The following CDCP1 variants were observed in gnomAD, a reference collection of about 807,000 sequenced individuals.
The protein encoded by CDCP1 is CUB domain-containing protein 1.
In CDCP1, 29 loss-of-function variants were observed where a neutral mutation model predicts 60.2. The observed-to-expected ratio is 0.48, with a 90% CI of 0.36 to 0.66. The LOEUF (loss-of-function observed/expected upper bound fraction) is 0.66. Among genes scored for constraint, CDCP1 ranks in the 30% least tolerant of loss-of-function variants. The pLI is 0.00. For missense variants in CDCP1, 876 were observed against 1,074.3 expected (o/e 0.82, Z 2.58); for synonymous variants, 387 against 431.1 (o/e 0.90, Z 1.27).
At chr3:45,093,947 A>C (rs1438332611) in intron 5 of CDCP1, among the ~76,000 whole-genome samples, 1 of 151,944 alleles carries the variant, frequency 6.6e-6, no homozygotes, top group African/African-American at 2.4e-5. Context: ...TCTTCTGTGT[A>C]TCTGTGTCTT....
chr3:45,093,683 A>G (rs780875210), intron 5 of CDCP1, 26 bp from the exon 6 acceptor site: 4 of 1,590,120 alleles, frequency 2.5e-6, no homozygotes, highest in Admixed American at 3.4e-5. Context: ...CATGCTAGCC[A>G]TGCACAAAGG....
At chr3:45,132,783 G>T (rs563733251) in intron 1 of CDCP1, among the ~76,000 whole-genome samples, 1 of 152,312 alleles carries the variant, frequency 6.6e-6, no homozygotes, top group South Asian at 2.1e-4. Context: ...TGATGGCCAT[G>T]ATCATTACCA....
chr3:45,087,010 C>T (rs1221428842), intron 8 of CDCP1, among the ~76,000 whole-genome samples: 2 of 152,192 alleles, frequency 1.3e-5, no homozygotes, highest in Non-Finnish European at 2.9e-5. Flanking sequence ...TAACGCTGAG[C>T]CCCTGGCCAG....
At chr3:45,092,616 A>G (rs1253203569) in intron 6 of CDCP1, among the ~76,000 whole-genome samples, 2 of 152,234 alleles carry the variant, frequency 1.3e-5, no homozygotes, top group African/African-American at 4.8e-5. Flanking sequence ...AGAGTAGGAA[A>G]TAAACATCAA....
intron 1 of CDCP1, among the ~76,000 whole-genome samples, chr3:45,141,034 C>A (rs1369592256): frequency 6.6e-6 from 1 of 152,122 alleles, no homozygotes; most frequent in Non-Finnish European, 1.5e-5. Context: ...AACCCCACCT[C>A]TACTAAAAAT....
At chr3:45,126,155 T>TTTCTTTCC (rs1698988719) in intron 1 of CDCP1, among the ~76,000 whole-genome samples, 3 of 143,286 alleles carry the variant, frequency 2.1e-5, no homozygotes, top group Admixed American at 7.3e-5. Flanking sequence ...TCTTTCTTTC[T>TTTCTTTCC]TTCTTTCTTT....
intron 1 of CDCP1, among the ~76,000 whole-genome samples, chr3:45,145,634 C>T (rs944728694): frequency 6.6e-6 from 1 of 152,178 alleles, no homozygotes; most frequent in Non-Finnish European, 1.5e-5. Context: ...ATTTTTGCAC[C>T]AACGCTCTTC....
At chr3:45,100,902 G>T (rs1211741927) in intron 4 of CDCP1, among the ~76,000 whole-genome samples, 1 of 152,218 alleles carries the variant, frequency 6.6e-6, no homozygotes, top group Admixed American at 6.5e-5. Flanking sequence ...CCTTGAGGGA[G>T]TGTGTAAATC....
At chr3:45,102,942 G>C (rs532057444) in intron 4 of CDCP1, among the ~76,000 whole-genome samples, 1 of 150,480 alleles carries the variant, frequency 6.6e-6, no homozygotes. Context: ...GATTACAGGC[G>C]TGAGCCACCA....
intron 1 of CDCP1, among the ~76,000 whole-genome samples, chr3:45,137,715 G>C (rs756003735): frequency 3.3e-4 from 50 of 150,912 alleles, no homozygotes; most frequent in Non-Finnish European, 6.0e-4. Flanking sequence ...AGGTACATGG[G>C]AGGCTGAGGT....
At chr3:45,112,652 CTCGG>C (rs1698719810) in intron 2 of CDCP1, among the ~76,000 whole-genome samples, 1 of 152,240 alleles carries the variant, frequency 6.6e-6, no homozygotes, top group Admixed American at 6.5e-5. Context: ...AGTGCCTCAG[CTCGG>C]GGGAGCTGCC....
intron 1 of CDCP1, among the ~76,000 whole-genome samples, chr3:45,143,205 A>G (rs1429496341): frequency 1.3e-5 from 2 of 152,224 alleles, no homozygotes; most frequent in African/African-American, 4.8e-5. Flanking sequence ...ACTCTGTCTC[A>G]AAAATTTAAA....
intron 2 of CDCP1, among the ~76,000 whole-genome samples, chr3:45,113,942 C>T (rs1329909857): frequency 6.6e-6 from 1 of 152,148 alleles, no homozygotes; most frequent in African/African-American, 2.4e-5. Context: ...TCCAGTGTGC[C>T]CAGGGCAACA....
At chr3:45,136,074 A>C (rs1279634709) in intron 1 of CDCP1, among the ~76,000 whole-genome samples, 2 of 152,194 alleles carry the variant, frequency 1.3e-5, no homozygotes, top group Admixed American at 1.3e-4. Context: ...CTAGATGCAC[A>C]AGGGGTCGCC....
Position 45,146,205 on chromosome 3 carries a change from C to A in CDCP1, c.82+1G>T. ...ATCCGCCTCCAAAGCCCGGCACTCA[C>A]CTGCCCCGCGCGGCAGGCGCGCCGC... On this transcript the variant is annotated splice_donor_variant, in intron 1 of 8. Transcript: ENST00000296129. LOFTEE classifies it high-confidence loss of function. The A allele has an allele frequency of 6.3e-7, 1 of 1,592,276 alleles. No homozygotes were observed. Among genetic ancestry groups the A allele is most frequent in the Non-Finnish European group, 8.5e-7 (1 of 1,171,994 alleles).
intron 7 of CDCP1, among the ~76,000 whole-genome samples, chr3:45,089,808 C>T (rs1698261820): frequency 6.6e-6 from 1 of 152,176 alleles, no homozygotes; most frequent in African/African-American, 2.4e-5. Flanking sequence ...CCACTGATTG[C>T]CACAGCCTGT....
intron 1 of CDCP1, among the ~76,000 whole-genome samples, chr3:45,137,172 A>G (rs1699203788): frequency 6.6e-6 from 1 of 152,234 alleles, no homozygotes; most frequent in Non-Finnish European, 1.5e-5. Context: ...GAAGTAATCT[A>G]TGAATATGCA....
At chr3:45,138,462 CT>C (rs1699226778) in intron 1 of CDCP1, among the ~76,000 whole-genome samples, 2 of 152,334 alleles carry the variant, frequency 1.3e-5, no homozygotes, top group South Asian at 4.1e-4. Flanking sequence ...TCTAAATGTT[CT>C]TCTTGGACCT....
At chr3:45,144,997 TTA>T (rs1699354657) in intron 1 of CDCP1, among the ~76,000 whole-genome samples, 2 of 151,412 alleles carry the variant, frequency 1.3e-5, no homozygotes, top group South Asian at 2.1e-4. Context: ...TATATATAAT[TTA>T]TATATATATT....
Sources: gnomAD v4.1 joint callset for allele counts (sites outside exome capture counted in the v4.1 genomes callset) on GRCh38, gnomAD v4.1.1 for gene constraint, MANE v1.5 for transcripts, NCBI Gene and HGNC (gene_info 2026-07-23, HGNC 2026-07-21) for gene names.